OR2L13: variants seen among roughly 807,000 people sequenced by gnomAD.
OR2L13 encodes the protein olfactory receptor family 2 subfamily L member 13.
OR2L13 carries 14 observed loss-of-function variants against 15.3 expected under a neutral mutation model. The ratio of observed to expected loss-of-function variants is 0.91; its 90% CI spans 0.60 to 1.43. The LOEUF (loss-of-function observed/expected upper bound fraction) is 1.43, where lower values mean the gene tolerates loss of function less well. OR2L13 is among the 40% of genes most tolerant of loss of function. OR2L13 has a pLI of 0.00. For synonymous variants in OR2L13, 152 were observed against 142.9 expected (o/e 1.06, Z -0.45); for missense variants, 367 against 387.9 (o/e 0.95, Z 0.45).
the OR2L13 span, among the ~76,000 whole-genome samples, chr1:248,049,871 A>T: frequency 6.6e-6 from 1 of 152,186 alleles, no homozygotes. Context: ...ACGTTTATTT[A>T]TCTAGATGTC....
chr1:248,002,982 C>A, the OR2L13 span: 2 of 574,846 alleles, frequency 3.5e-6, no homozygotes, highest in Non-Finnish European at 3.2e-6. Flanking sequence ...TGGACCTGGG[C>A]CTTTTCTTTG....
At chr1:248,065,771 G>A in the OR2L13 span, among the ~76,000 whole-genome samples, 1 of 152,050 alleles carries the variant, frequency 6.6e-6, no homozygotes, top group East Asian at 1.9e-4. Context: ...GTTGGGTAGA[G>A]TGAAGGAGTG....
the OR2L13 span, among the ~76,000 whole-genome samples, chr1:247,976,022 A>G: frequency 2.0e-5 from 3 of 152,186 alleles, no homozygotes; most frequent in Admixed American, 1.3e-4. Context: ...AGATTACTGA[A>G]TCTAATTGAA....
the OR2L13 span, among the ~76,000 whole-genome samples, chr1:248,085,436 T>TAAAATAAAATAAAATAAAATA: frequency 1.2e-5 from 1 of 84,552 alleles, no homozygotes; most frequent in African/African-American, 4.5e-5. Flanking sequence ...TAAAATAAAA[T>TAAAATAAAATAAAATAAAATA]AATAAAATAA....
At chr1:248,039,311 T>A in the OR2L13 span, 48 of 1,059,118 alleles carry the variant, frequency 4.5e-5, no homozygotes, top group Non-Finnish European at 1.2e-5. Context: ...AAACAGAAGT[T>A]AATCTAGAAG....
At chr1:248,016,859 C>A in the OR2L13 span, among the ~76,000 whole-genome samples, 4,801 of 151,836 alleles carry the variant, frequency 0.032, 230 homozygotes, top group African/African-American at 0.11. Flanking sequence ...CACTTACAAC[C>A]CCTGAATCTC....
At chr1:247,961,851 C>CA in the OR2L13 span, among the ~76,000 whole-genome samples, 1,064 of 150,442 alleles carry the variant, frequency 7.1e-3, 15 homozygotes, top group African/African-American at 0.023. Flanking sequence ...TGGCAAAGGC[C>CA]AAAAAAAAAG....
chr1:248,046,820 T>C, the OR2L13 span: 3 of 152,174 alleles, frequency 2.0e-5, no homozygotes, highest in East Asian at 1.9e-4. Flanking sequence ...CTATGATGAC[T>C]GTAGGACTGC....
At chr1:247,956,816 G>C in the OR2L13 span, among the ~76,000 whole-genome samples, 3 of 152,200 alleles carry the variant, frequency 2.0e-5, no homozygotes, top group Non-Finnish European at 2.9e-5. Flanking sequence ...CTGTGCTGAA[G>C]TTGCCTATCA....
the OR2L13 span, among the ~76,000 whole-genome samples, chr1:248,026,785 T>C: frequency 3.0e-4 from 45 of 152,218 alleles, 1 homozygote; most frequent in Non-Finnish European, 1.8e-4. Flanking sequence ...ATCAATACGC[T>C]TGTGATTTCC....
At chr1:248,000,932 A>T in the OR2L13 span, among the ~76,000 whole-genome samples, 7,475 of 149,948 alleles carry the variant, frequency 0.05, 553 homozygotes, top group African/African-American at 0.18. Flanking sequence ...AATAAATTTA[A>T]TTTTTTTTCT....
chr1:247,959,518 G>C, the OR2L13 span, among the ~76,000 whole-genome samples: 6,277 of 151,812 alleles, frequency 0.041, 436 homozygotes, highest in African/African-American at 0.14. Flanking sequence ...AGTTCTCTTG[G>C]ATAATATCCT....
the OR2L13 span, among the ~76,000 whole-genome samples, chr1:248,074,061 A>C: frequency 2.6e-5 from 4 of 152,152 alleles, no homozygotes; most frequent in Non-Finnish European, 4.4e-5. Context: ...GCCAAAAAGC[A>C]AGAAAAATAT....
chr1:248,017,964 A>C, the OR2L13 span, among the ~76,000 whole-genome samples: 1 of 152,166 alleles, frequency 6.6e-6, no homozygotes, highest in African/African-American at 2.4e-5. Context: ...TAACACGGTG[A>C]AACCCCGTCT....
At chr1:248,024,174 A>G in the OR2L13 span, 58 of 152,074 alleles carry the variant, frequency 3.8e-4, no homozygotes, top group Admixed American at 1.2e-3. Context: ...TTTAAGCCCC[A>G]TATGCTTTAG....
the OR2L13 span, among the ~76,000 whole-genome samples, chr1:248,046,174 G>T: frequency 1.3e-5 from 2 of 152,120 alleles, no homozygotes; most frequent in African/African-American, 2.4e-5. Context: ...ACATCATTAG[G>T]TCATCTAATT....
At chr1:248,039,285 A>G in the OR2L13 span, 2 of 1,329,606 alleles carry the variant, frequency 1.5e-6, no homozygotes, top group Admixed American at 2.3e-5. Flanking sequence ...AAACATTATT[A>G]CATGCCCAGT....
the OR2L13 span, chr1:248,023,709 T>G: frequency 6.6e-6 from 1 of 152,344 alleles, no homozygotes; most frequent in South Asian, 2.1e-4. Context: ...AGGATCAACA[T>G]TATTTTTATA....
At chr1:248,036,690 G>C in the OR2L13 span, among the ~76,000 whole-genome samples, 1 of 152,244 alleles carries the variant, frequency 6.6e-6, no homozygotes, top group Middle Eastern at 3.4e-3. Flanking sequence ...GTTGTCCAGT[G>C]ATGTCTTCTA....
Sources: allele counts gnomAD v4.1 joint callset (sites outside exome capture counted in the v4.1 genomes callset), GRCh38; gene constraint gnomAD v4.1.1; transcripts MANE v1.5; gene names NCBI Gene and HGNC (gene_info 2026-07-23, HGNC 2026-07-21).